LTN1: variants seen among roughly 807,000 people sequenced by gnomAD.
LTN1 encodes the protein listerin E3 ubiquitin protein ligase 1.
A neutral mutation model predicts 201.2 loss-of-function variants in LTN1; 88 were observed. The observed-to-expected ratio is 0.44, with a 90% CI of 0.37 to 0.52. LTN1 has a LOEUF of 0.52. LTN1 is among the 20% of genes least tolerant of loss of function. LTN1 has a pLI of 0.00. For synonymous variants in LTN1, 645 were observed against 713.5 expected, an observed-to-expected ratio of 0.90 and a Z score of 1.53; for missense variants, 1,752 against 2,038.7, an observed-to-expected ratio of 0.86 and a Z score of 2.71.
At position 28,965,024 on chromosome 21, in the gene LTN1, A is replaced by G. The variant is rs554677371; in HGVS notation, c.2163+841T>C. ...AATGGGGAGTTACTGTTTAATGGAT[A>G]CAGGGTTTCAGTTTTGCAAGATGAA... is the stretch of plus-strand genomic sequence containing the variant. On this transcript the variant is annotated intron_variant, in intron 11 of 29. Transcript: ENST00000361371. Among the ~76,000 whole-genome samples the G allele has an allele frequency of 2.1e-3, 322 of 152,336 alleles. 2 individuals are homozygous for G. Among genetic ancestry groups the G allele is most frequent in the Non-Finnish European group, 3.8e-3 (261 of 68,026 alleles).
In LTN1 at chr21:28,945,950, T is replaced by G. The variant is rs1368273983; in HGVS notation, c.3625A>C (p.Asn1209His). Residue 1209 changes from asparagine to histidine, a missense_variant and splice_region_variant, in exon 21 of 30, where the codon AAT becomes CAT. This residue lies in a region of LTN1 where 1,211 missense variants were observed against 1,312.8 expected (regional missense o/e 0.92). Transcript: ENST00000361371. ...EHEDIFLFSC[N>H]LSEASPEVLG... ...ACCTCTGGACTTGCTTCTGATAGAT[T>G]ACTGTGATAAAGATAAAAACAAAAG... 1.1e-5 allele frequency: 18 copies of G among 1,605,840 alleles called. No individual in the cohort carries two copies. Among genetic ancestry groups the G allele is most frequent in the Non-Finnish European group, 1.4e-5 (16 of 1,176,722 alleles).
In LTN1 at chr21:28,986,280, T is replaced by G; in HGVS notation, c.247-43A>C. ...ACATCATTAGGATTAACAACCATAA[T>G]AACTGGCTATAGATTATTCTGTTCT... On this transcript the variant is annotated intron_variant, in intron 2 of 29. Coordinates refer to ENST00000361371, the MANE Select transcript of LTN1 (RefSeq NM_015565.3). The surrounding 1 kb of genome is among the most constrained non-coding windows in gnomAD (Gnocchi z 4.1). 1 of 1,101,562 alleles carries G rather than the reference T, an allele frequency of 9.1e-7. No individual in the cohort carries two copies. The highest frequency in any genetic ancestry group is 2.4e-5 in the East Asian group (1 of 41,668). The allele number at this position is 1,101,562 out of a possible 1,614,324, so 68.2% of individuals were successfully genotyped here.
rs777230492 is a variant in LTN1 at position 28,931,223 on chromosome 21, C to T, written c.5170G>A (p.Gly1724Ser). 3.0e-5 allele frequency: 48 copies of T among 1,613,252 alleles called. No individual in the cohort carries two copies. Among genetic ancestry groups the T allele is most frequent in the Non-Finnish European group, 3.6e-5 (43 of 1,179,412 alleles). ...TTTTTGGGAAGGGAATAGTTGAAAC[C>T]GTGAATGACTGAGAAACAGATCATG... ...DCMICFSVIH[G>S]FNYSLPKKAC... The change falls in exon 29 of 30, where the codon GGT (glycine) becomes AGT (serine). Residue 1724 changes from glycine (G) to serine (S), a missense_variant. This residue lies in a region of LTN1 where 261 missense variants were observed against 350.1 expected (regional missense o/e 0.75). Transcript: ENST00000361371.
chr21:28,971,290 T>G lies in LTN1; in HGVS notation c.965A>C (p.Tyr322Ser), dbSNP rs1296935860. ...ACATACCTCAATAGTTGTAAGTGTA[T>G]AGAGTACAGCTTCCCAGAGAGCTGG... The part of the protein sequence containing the change: ...VCPALWEAVL[Y>S]TLTTIEDCWL... Residue 322 changes from tyrosine to serine, a missense_variant, in exon 7 of 30, where the codon TAT (tyrosine) becomes TCT (serine). Transcript: ENST00000361371. The G allele has an allele frequency of 6.2e-7, 1 of 1,613,934 alleles. No homozygotes were observed. The highest frequency in any genetic ancestry group is 8.5e-7 in the Non-Finnish European group (1 of 1,179,872).
chr21:28,964,634 AAGGAGATGAGG>A, intron 11 of LTN1: 1 of 1,550,218 alleles, frequency 6.5e-7, no homozygotes, highest in Non-Finnish European at 8.7e-7. Context: ...GCCTAGCTGT[AAGGAGATGAGG>A]AGGCTAGTGA....
rs370873711 is a variant in LTN1 at position 28,931,273 on chromosome 21, T to C, written c.5120A>G (p.Lys1707Arg). The C allele has an allele frequency of 3.7e-5, 59 of 1,612,858 alleles. No homozygotes were observed. The highest frequency in any genetic ancestry group is 4.7e-5 in the Non-Finnish European group (56 of 1,179,278). ...GCAATCTTCAACACCCTCAAAACGTTTGTCTACGTTATTTTTCCATAAAGC... is the reference window on the plus strand; with the variant it reads ...GCAATCTTCAACACCCTCAAAACGTCTGTCTACGTTATTTTTCCATAAAGC... ...GLALWKNNVDKRFEGVEDCMI... is the reference protein window; with the variant it reads ...GLALWKNNVDRRFEGVEDCMI... The change falls in exon 29 of 30, where the codon AAA becomes AGA. Residue 1707 changes from lysine (K) to arginine (R), a missense_variant. Lys to Arg is a conservative substitution (Grantham distance 26). Transcript: ENST00000361371.
chr21:28,935,072 AAAC>A, intron 27 of LTN1, 34 bp downstream of exon 27: 1 of 1,396,828 alleles, frequency 7.2e-7, no homozygotes, highest in Non-Finnish European at 1.0e-6. Flanking sequence ...CCCAATATTA[AAAC>A]AACTTTTCTA....
chr21:28,986,873 A>C lies in LTN1; in HGVS notation c.104T>G (p.Phe35Cys). 8 of 1,614,056 alleles carry C rather than the reference A, an allele frequency of 5.0e-6. No individual in the cohort carries two copies. Among genetic ancestry groups the C allele is most frequent in the Non-Finnish European group, 6.8e-6 (8 of 1,179,988 alleles). The stretch of plus-strand genomic sequence containing the variant: ...ACTCTGAGATGTTCCAAAACCAATA[A>C]ATCCAGGCACTGTTCCCTGTTCTTT... ...LAKEQGTVPG[F>C]IGFGTSQSDL... The change falls in exon 2 of 30, where the codon TTT (phenylalanine) becomes TGT (cysteine). Residue 35 changes from phenylalanine to cysteine, a missense_variant. Physicochemically the swap from Phe to Cys is radical, Grantham distance 205. Around this residue, in one of 3 missense-constraint regions of LTN1, gnomAD observed 280 missense variants for 375.7 expected, o/e 0.75. Coordinates refer to ENST00000361371, the MANE Select transcript of LTN1 (RefSeq NM_015565.3). The surrounding 1 kb of genome is among the most constrained non-coding windows in gnomAD (Gnocchi z 4.1).
At chr21:28,964,533 C>T (rs1601193880) in intron 11 of LTN1, 5 of 1,460,626 alleles carry the variant, frequency 3.4e-6, no homozygotes, top group Non-Finnish European at 4.5e-6. Flanking sequence ...ATCCAAAATA[C>T]TTGTGTAACT....
chr21:28,948,270 CT>C lies in LTN1; in HGVS notation c.3345-665del, dbSNP rs869195177. 2.1e-3 allele frequency among the ~76,000 whole-genome samples: 262 copies of C among 126,630 alleles called. 1 individual carries two copies. Among genetic ancestry groups the C allele is most frequent in the African/African-American group, 4.6e-3 (161 of 34,812 alleles). 83.1% of individuals were successfully genotyped at this position (126,630 alleles called of 152,430 possible). A position where few individuals can be genotyped will look rare whatever the true frequency, so the allele number is the denominator to read the frequency against. On this transcript the variant is annotated intron_variant, in intron 18 of 29. Transcript: ENST00000361371. ...CAGTTGTGTGTCCTTTCTTTTCTTT[CT>C]TTTTTTTTTTTTTTTTGAGACGGAG...
In LTN1 at chr21:28,930,339, T is replaced by C; in HGVS notation, c.*109A>G. The C allele has an allele frequency of 1.5e-6, 1 of 681,522 alleles. No homozygotes were observed. The highest frequency in any genetic ancestry group is 2.5e-6 in the Non-Finnish European group (1 of 401,326). The allele number at this position is 681,522 out of a possible 1,614,324, so 42.2% of individuals were successfully genotyped here. ...CAAAATAATTTTCCAGAGAAGGTCC[T>C]ATTTAAAAGTAATGCTCACTGGCTT... On this transcript the variant is annotated 3_prime_UTR_variant, in exon 30 of 30. Coordinates refer to ENST00000361371, the MANE Select transcript of LTN1 (RefSeq NM_015565.3).
chr21:28,939,904 CTATT>C (rs1324703996), intron 25 of LTN1, among the ~76,000 whole-genome samples: 1 of 152,166 alleles, frequency 6.6e-6, no homozygotes, highest in Non-Finnish European at 1.5e-5. Flanking sequence ...GAAAACTAAT[CTATT>C]TAACAGCTAG....
At chr21:28,943,100 G>A (rs1395367491) in intron 24 of LTN1, among the ~76,000 whole-genome samples, 162 bp downstream of exon 24, 1 of 152,104 alleles carries the variant, frequency 6.6e-6, no homozygotes, top group Non-Finnish European at 1.5e-5. Context: ...AATCTTTTGG[G>A]TGAAATCTAT....
At chr21:28,933,868 G>A (rs1221952173) in intron 27 of LTN1, among the ~76,000 whole-genome samples, 1 of 152,044 alleles carries the variant, frequency 6.6e-6, no homozygotes, top group Non-Finnish European at 1.5e-5. Context: ...TAGAGATGGG[G>A]TTTCTCCATG....
chr21:28,958,402 A>T lies in LTN1; in HGVS notation c.2731T>A (p.Ser911Thr). 6.2e-7 allele frequency: 1 copy of T among 1,603,860 alleles called. No individual in the cohort carries two copies. The highest frequency in any genetic ancestry group is 8.5e-7 in the Non-Finnish European group (1 of 1,177,306). ...AAAGGTTACCTGTTGATATCCAAAG[A>T]TGAAGCCTGAACTTGGTTCTTCAGC... ...LWLKNQVQAS[S>T]LDINSLQVLL... The change falls in exon 14 of 30, where the codon TCT (serine) becomes ACT (threonine). Residue 911 changes from serine to threonine, a missense_variant. This residue lies in a region of LTN1 where 1,211 missense variants were observed against 1,312.8 expected (regional missense o/e 0.92). Transcript: ENST00000361371.
At chr21:28,932,416 A>T in intron 28 of LTN1, 54 bp downstream of exon 28, 1 of 1,394,902 alleles carries the variant, frequency 7.2e-7, no homozygotes, top group Non-Finnish European at 1.0e-6. Flanking sequence ...ATGCCCTTTT[A>T]AATAGATCAT....
intron 4 of LTN1, 74 bp downstream of exon 4, chr21:28,984,618 A>C: frequency 1.9e-6 from 2 of 1,041,030 alleles, no homozygotes; most frequent in Non-Finnish European, 2.9e-6. Flanking sequence ...CCCAAGTAAA[A>C]GAGCTGTCAT....
In LTN1 at chr21:28,966,953, A is replaced by C; in HGVS notation, c.1538T>G (p.Leu513Trp). The C allele has an allele frequency of 6.2e-7, 1 of 1,613,988 alleles. No homozygotes were observed. Among genetic ancestry groups the C allele is most frequent in the Non-Finnish European group, 8.5e-7 (1 of 1,179,998 alleles). The change falls in exon 10 of 30, where the codon TTG (leucine) becomes TGG (tryptophan). Residue 513 changes from leucine (L) to tryptophan (W), a missense_variant. Around this residue, in one of 3 missense-constraint regions of LTN1, gnomAD observed 1,211 missense variants for 1,312.8 expected, o/e 0.92. Coordinates refer to ENST00000361371, the MANE Select transcript of LTN1 (RefSeq NM_015565.3). ...CACCTGTAATAGGTTAGATACACCCAAAACGGACTCAACATCAGCTTCTGG... is the reference window on the plus strand; with the variant it reads ...CACCTGTAATAGGTTAGATACACCCCAAACGGACTCAACATCAGCTTCTGG... ...SEPEADVESV[L>W]GVSNLLQVLQ...
At chr21:28,987,480 T>C (rs1051936557) in intron 1 of LTN1, among the ~76,000 whole-genome samples, 3 of 152,054 alleles carry the variant, frequency 2.0e-5, no homozygotes, top group Non-Finnish European at 4.4e-5. Context: ...AGACTGAGAG[T>C]TCCTTGAGAG....
Sources: allele counts gnomAD v4.1 joint callset (sites outside exome capture counted in the v4.1 genomes callset), GRCh38; gene constraint gnomAD v4.1.1; regional missense constraint gnomAD v4.1.1; non-coding constraint Gnocchi (gnomAD v3.1); transcripts MANE v1.5; gene names NCBI Gene and HGNC (gene_info 2026-07-23, HGNC 2026-07-21).